The following CNTN5 variants were observed in gnomAD, a reference collection of about 807,000 sequenced individuals.
CNTN5 encodes contactin-5.
A neutral mutation model predicts 129.1 loss-of-function variants in CNTN5; 77 were observed. The observed-to-expected ratio is 0.60, with a 90% CI of 0.50 to 0.72. CNTN5 has a LOEUF of 0.72. CNTN5 is among the 30% of genes least tolerant of loss of function. CNTN5 has a pLI of 0.00. For synonymous variants in CNTN5, 509 were observed against 465.6 expected, an observed-to-expected ratio of 1.09 and a Z score of -1.20; for missense variants, 1,478 against 1,328.8, an observed-to-expected ratio of 1.11 and a Z score of -1.75.
chr11:99,228,198 T>C (rs1054333809), intron 1 of CNTN5, among the ~76,000 whole-genome samples: 2 of 152,246 alleles, frequency 1.3e-5, no homozygotes, highest in African/African-American at 4.8e-5. Flanking sequence ...TGAGATATTA[T>C]TTTATATAGA....
At chr11:99,348,004 A>G (rs571885152) in intron 2 of CNTN5, among the ~76,000 whole-genome samples, 2 of 152,356 alleles carry the variant, frequency 1.3e-5, no homozygotes, top group East Asian at 1.9e-4. Context: ...TGGTTGAATT[A>G]TCATTAATAA....
At chr11:99,631,782 T>C (rs747757380) in intron 3 of CNTN5, among the ~76,000 whole-genome samples, 12 of 152,118 alleles carry the variant, frequency 7.9e-5, no homozygotes, top group Non-Finnish European at 1.6e-4. Flanking sequence ...AGCAAGTAAC[T>C]GGAATCTAGT....
At chr11:100,171,488 C>T (rs1433118604) in intron 13 of CNTN5, among the ~76,000 whole-genome samples, 1 of 152,014 alleles carries the variant, frequency 6.6e-6, no homozygotes, top group East Asian at 1.9e-4. Flanking sequence ...TACTGTCAGG[C>T]TTCATGTCCA....
chr11:99,900,983 C>T (rs1216460596), intron 6 of CNTN5, among the ~76,000 whole-genome samples: 1 of 152,070 alleles, frequency 6.6e-6, no homozygotes, highest in African/African-American at 2.4e-5. Context: ...CATCAGACAT[C>T]CTACTTGGAA....
intron 7 of CNTN5, among the ~76,000 whole-genome samples, chr11:99,942,193 G>A (rs560523647): frequency 5.2e-4 from 79 of 152,036 alleles, no homozygotes; most frequent in Non-Finnish European, 7.6e-4. Flanking sequence ...TGTATGCCAC[G>A]TTTGCACAGT....
At chr11:100,320,672 G>A (rs1341278465) in intron 21 of CNTN5, among the ~76,000 whole-genome samples, 2 of 151,944 alleles carry the variant, frequency 1.3e-5, no homozygotes, top group African/African-American at 4.8e-5. Flanking sequence ...TTTTCTTCTA[G>A]TAGTTTTACA....
intron 21 of CNTN5, among the ~76,000 whole-genome samples, chr11:100,326,667 G>C (rs1051653459): frequency 3.3e-5 from 5 of 152,056 alleles, no homozygotes; most frequent in African/African-American, 1.2e-4. Flanking sequence ...GCCTCCATCT[G>C]CTACCATAAA....
At chr11:99,795,434 A>T (rs1482970082) in intron 3 of CNTN5, among the ~76,000 whole-genome samples, 1 of 152,148 alleles carries the variant, frequency 6.6e-6, no homozygotes, top group Non-Finnish European at 1.5e-5. Flanking sequence ...CAGCCATTTC[A>T]GCCTGATTAA....
chr11:99,198,901 T>C (rs1859034334), intron 1 of CNTN5, among the ~76,000 whole-genome samples: 2 of 152,190 alleles, frequency 1.3e-5, no homozygotes, highest in South Asian at 4.2e-4. Flanking sequence ...ACAGCCTCAG[T>C]CATATTCTAG....
intron 3 of CNTN5, among the ~76,000 whole-genome samples, chr11:99,662,626 C>G (rs573891599): frequency 1.3e-5 from 2 of 152,032 alleles, no homozygotes; most frequent in Non-Finnish European, 2.9e-5. Flanking sequence ...CAGTAATAAA[C>G]CTTTAACATA....
chr11:100,143,992 C>A (rs1946774293), intron 13 of CNTN5, among the ~76,000 whole-genome samples: 1 of 152,112 alleles, frequency 6.6e-6, no homozygotes. Context: ...AGGAAAATGG[C>A]ATTTTCTTAC....
At chr11:99,513,043 A>C (rs980720952) in intron 2 of CNTN5, among the ~76,000 whole-genome samples, 1 of 152,150 alleles carries the variant, frequency 6.6e-6, no homozygotes, top group African/African-American at 2.4e-5. Context: ...TGCAAAGGGA[A>C]ATTTTCTGAA....
intron 13 of CNTN5, among the ~76,000 whole-genome samples, chr11:100,120,570 C>T (rs565257407): frequency 2.1e-4 from 32 of 151,628 alleles, no homozygotes; most frequent in Non-Finnish European, 4.0e-4. Flanking sequence ...ACTGGAATAC[C>T]TATGATTATA....
At chr11:99,329,341 G>T (rs1281629114) in intron 2 of CNTN5, among the ~76,000 whole-genome samples, 3 of 152,098 alleles carry the variant, frequency 2.0e-5, no homozygotes, top group Non-Finnish European at 4.4e-5. Flanking sequence ...TCTCCTATAT[G>T]ATACTTGCTC....
At chr11:99,350,927 A>T (rs1488358992) in intron 2 of CNTN5, among the ~76,000 whole-genome samples, 1 of 152,066 alleles carries the variant, frequency 6.6e-6, no homozygotes, top group Non-Finnish European at 1.5e-5. Context: ...TGCAATATTT[A>T]TTAAGTTAGT....
At chr11:99,188,740 T>G (rs1858480520) in intron 1 of CNTN5, among the ~76,000 whole-genome samples, 1 of 151,742 alleles carries the variant, frequency 6.6e-6, no homozygotes, top group Non-Finnish European at 1.5e-5. Context: ...TATGTTTAAT[T>G]GACAAAAAAA....
intron 13 of CNTN5, among the ~76,000 whole-genome samples, chr11:100,148,659 C>T (rs150584961): frequency 2.6e-5 from 4 of 152,164 alleles, no homozygotes; most frequent in East Asian, 1.9e-4. Flanking sequence ...ATGAAGCCCC[C>T]GGGCCAACAA....
intron 1 of CNTN5, among the ~76,000 whole-genome samples, chr11:99,119,387 G>A (rs1041145516): frequency 1.3e-5 from 2 of 152,094 alleles, no homozygotes; most frequent in African/African-American, 2.4e-5. Flanking sequence ...GAGAACATAC[G>A]GTTTTTGGTT....
intron 3 of CNTN5, among the ~76,000 whole-genome samples, chr11:99,654,189 C>A (rs1387182308): frequency 2.0e-5 from 3 of 152,058 alleles, no homozygotes; most frequent in Non-Finnish European, 2.9e-5. Context: ...CTGAACATAG[C>A]TTTTAAGTTT....
Sources: allele counts gnomAD v4.1 joint callset (sites outside exome capture counted in the v4.1 genomes callset), GRCh38; gene constraint gnomAD v4.1.1; transcripts MANE v1.5; gene names NCBI Gene and HGNC (gene_info 2026-07-23, HGNC 2026-07-21).